Variants in DGKB observed in about 807,000 individuals in gnomAD.
DGKB encodes the protein diacylglycerol kinase beta.
A neutral mutation model predicts 114.3 loss-of-function variants in DGKB; 67 were observed. That is an observed-to-expected ratio of 0.59 (90% confidence interval 0.48 to 0.72). The LOEUF is 0.72. Among genes scored for constraint, DGKB ranks in the 30% least tolerant of loss-of-function variants. The pLI, the probability that DGKB is intolerant of heterozygous loss-of-function variation, is 0.00. For missense variants in DGKB, 907 were observed against 975.2 expected (o/e 0.93, Z 0.93); for synonymous variants, 398 against 323.1 (o/e 1.23, Z -2.49).
rs113863075 is a variant in DGKB at position 14,939,090 on chromosome 7, A to G, written c.-188+35606T>C. 5.5e-3 allele frequency among the ~76,000 whole-genome samples: 836 copies of G among 152,018 alleles called. 9 individuals are homozygous for G. Among genetic ancestry groups the G allele is most frequent in the African/African-American group, 0.019 (781 of 41,464 alleles). Reference sequence around the variant, plus strand: ...TTTCTCTTCTTAAACTGTTTTTTCTATTTCTCTTTATCTTTAATATCATGT... The same window carrying G: ...TTTCTCTTCTTAAACTGTTTTTTCTGTTTCTCTTTATCTTTAATATCATGT... On this transcript the variant is annotated intron_variant, in intron 1 of 4. Transcript: ENST00000437998.
rs1006716188 is a variant in DGKB at position 14,700,740 on chromosome 7, G to A, written c.516+941C>T. 5.3e-5 allele frequency among the ~76,000 whole-genome samples: 8 copies of A among 152,146 alleles called. No individual in the cohort carries two copies. The South Asian group carries it at 6.2e-4, about 12-fold the overall frequency. On this transcript the variant is annotated intron_variant, in intron 7 of 25. Coordinates refer to ENST00000402815, the MANE Select transcript of DGKB (RefSeq NM_001350709.2). ...GCCATAGGGTGGTCTATCAGATGAC[G>A]AGAAAAACTCACTCATTTTCAGAGA...
intron 20 of DGKB, among the ~76,000 whole-genome samples, chr7:14,560,778 C>T (rs756502543): frequency 6.6e-6 from 1 of 152,136 alleles, no homozygotes; most frequent in African/African-American, 2.4e-5. Flanking sequence ...TGAGAAACCT[C>T]CACATTGTAT....
At chr7:14,168,224 C>T (rs1395900029) in intron 25 of DGKB, among the ~76,000 whole-genome samples, 2 of 152,034 alleles carry the variant, frequency 1.3e-5, no homozygotes, top group Non-Finnish European at 2.9e-5. Flanking sequence ...AGAAAAATGT[C>T]AGTGAATTCA....
chr7:14,485,202 G>A lies in DGKB; in HGVS notation c.1771-6977C>T, dbSNP rs184765934. The stretch of plus-strand genomic sequence containing the variant: ...GGGAGTTGATGTTACAGTGTCTGAG[G>A]AATGATACAAGCTCTTCTAAATGCG... On this transcript the variant is annotated intron_variant, in intron 20 of 25. Transcript: ENST00000402815. Among the ~76,000 whole-genome samples the A allele has an allele frequency of 1.3e-3, 200 of 151,040 alleles. 1 individual carries two copies. The highest frequency in any genetic ancestry group is 4.7e-3 in the African/African-American group (192 of 41,148).
intron 8 of DGKB, among the ~76,000 whole-genome samples, chr7:14,696,743 C>T (rs1465969071): frequency 1.3e-5 from 2 of 152,092 alleles, no homozygotes; most frequent in Non-Finnish European, 2.9e-5. Context: ...ATACATGTTA[C>T]CATCTACTTT....
In DGKB at chr7:14,930,871, G is replaced by A. The variant is rs550859002; in HGVS notation, c.-188+43825C>T. ...TGTACATGACGTTCTGTATTTTGAG[G>A]GATGTTTCTTCTATGTCTGGTTTGT... On this transcript the variant is annotated intron_variant, in intron 1 of 4. Transcript: ENST00000437998. Among the ~76,000 whole-genome samples, 3 of 151,954 alleles carry A rather than the reference G, an allele frequency of 2.0e-5. No homozygotes were observed. In the East Asian group the frequency reaches 5.8e-4, roughly 29 times the overall value.
chr7:14,563,643 GTT>G (rs66549760), intron 20 of DGKB, among the ~76,000 whole-genome samples: 19,980 of 125,642 alleles, frequency 0.16, 1,570 homozygotes, highest in East Asian at 0.33. Context: ...ATACAACTCT[GTT>G]TTTTTTTTTT....
intron 13 of DGKB, among the ~76,000 whole-genome samples, chr7:14,664,065 A>G (rs1164256083): frequency 6.6e-6 from 1 of 151,992 alleles, no homozygotes; most frequent in Non-Finnish European, 1.5e-5. Flanking sequence ...TCAAGTAATA[A>G]CTATTTTTAA....
chr7:14,722,878 C>A (rs893761268), intron 5 of DGKB, among the ~76,000 whole-genome samples: 3 of 151,830 alleles, frequency 2.0e-5, no homozygotes, highest in East Asian at 1.9e-4. Context: ...ACCACCTCCC[C>A]AAGATCAGCC....
At chr7:14,732,493 A>T (rs1423783480) in intron 5 of DGKB, among the ~76,000 whole-genome samples, 3 of 152,140 alleles carry the variant, frequency 2.0e-5, no homozygotes, top group Admixed American at 6.5e-5. Flanking sequence ...CAGCCTTGAA[A>T]ATTTTATTGT....
Position 14,148,188 on chromosome 7 carries a change from T to G in DGKB, c.*943A>C, listed in dbSNP as rs1443051431. ...TGAAAGGTGAGAATTTTAATCATAATTAATGGGCAACTCACTCGCTTTCCA... is the reference window on the plus strand; with the variant it reads ...TGAAAGGTGAGAATTTTAATCATAAGTAATGGGCAACTCACTCGCTTTCCA... On this transcript the variant is annotated 3_prime_UTR_variant, in exon 26 of 26. Coordinates refer to ENST00000402815, the MANE Select transcript of DGKB (RefSeq NM_001350709.2). 6.6e-6 allele frequency: 1 copy of G among 152,640 alleles called. No homozygotes were observed. Among genetic ancestry groups the G allele is most frequent in the Non-Finnish European group, 1.5e-5 (1 of 68,026 alleles). The allele number at this position is 152,640 out of a possible 1,614,324, so 9.5% of individuals were successfully genotyped here.
At chr7:14,243,032 A>G (rs973671495) in intron 23 of DGKB, among the ~76,000 whole-genome samples, 1 of 152,144 alleles carries the variant, frequency 6.6e-6, no homozygotes, top group African/African-American at 2.4e-5. Flanking sequence ...GGAGAGAATA[A>G]TCTTTTAAGA....
intron 23 of DGKB, among the ~76,000 whole-genome samples, chr7:14,193,148 G>A (rs932107715): frequency 1.3e-5 from 2 of 149,836 alleles, no homozygotes; most frequent in East Asian, 4.0e-4. Context: ...GTGGCCTGGG[G>A]GTTAGGGACC....
chr7:14,189,501 A>C (rs1473939066), intron 23 of DGKB, among the ~76,000 whole-genome samples: 1 of 152,192 alleles, frequency 6.6e-6, no homozygotes, highest in Non-Finnish European at 1.5e-5. Flanking sequence ...GAAAGAAATA[A>C]GGAATCTACA....
In DGKB at chr7:14,529,113, A is replaced by C. The variant is rs549555199; in HGVS notation, c.1770+45099T>G. Among the ~76,000 whole-genome samples, 8 of 152,126 alleles carry C rather than the reference A, an allele frequency of 5.3e-5. No individual in the cohort carries two copies. The South Asian group carries it at 1.5e-3, about 28-fold the overall frequency. ...GAGAAGTATATGGGTAAGTATTTAC[A>C]ATGATTCTGAAACACACTAAAAATA... is the stretch of plus-strand genomic sequence containing the variant. On this transcript the variant is annotated intron_variant, in intron 20 of 25. Coordinates refer to ENST00000402815, the MANE Select transcript of DGKB (RefSeq NM_001350709.2).
intron 23 of DGKB, among the ~76,000 whole-genome samples, chr7:14,305,933 G>A (rs1804391910): frequency 6.6e-6 from 1 of 152,074 alleles, no homozygotes; most frequent in African/African-American, 2.4e-5. Context: ...GTTAGCATGA[G>A]AATAGAAGAC....
Position 14,309,891 on chromosome 7 carries a change from C to A in DGKB, c.2122+28624G>T, listed in dbSNP as rs567054884. 1.3e-4 allele frequency among the ~76,000 whole-genome samples: 20 copies of A among 152,212 alleles called. No individual in the cohort carries two copies. In the South Asian group the frequency reaches 3.9e-3, roughly 30 times the overall value. ...TACACAGAGTATGTAGCCTAAGGGGCTCTGACAAAGGGTGAAAGAATATAC... is the reference window on the plus strand; with the variant it reads ...TACACAGAGTATGTAGCCTAAGGGGATCTGACAAAGGGTGAAAGAATATAC... On this transcript the variant is annotated intron_variant, in intron 23 of 25. Coordinates refer to ENST00000402815, the MANE Select transcript of DGKB (RefSeq NM_001350709.2).
chr7:14,461,592 T>G (rs1833089412), intron 21 of DGKB, among the ~76,000 whole-genome samples: 1 of 152,080 alleles, frequency 6.6e-6, no homozygotes, highest in African/African-American at 2.4e-5. Flanking sequence ...TAACAAGTTC[T>G]GTAACTGAGG....
At chr7:14,535,361 C>A (rs1792270494) in intron 20 of DGKB, among the ~76,000 whole-genome samples, 2 of 142,146 alleles carry the variant, frequency 1.4e-5, no homozygotes, top group African/African-American at 5.3e-5. Flanking sequence ...AGAGTAAGGC[C>A]CTGTCTCTTA....
Sources: allele counts gnomAD v4.1 joint callset (sites outside exome capture counted in the v4.1 genomes callset), GRCh38; gene constraint gnomAD v4.1.1; transcripts MANE v1.5; gene names NCBI Gene and HGNC (gene_info 2026-07-23, HGNC 2026-07-21).